The following TMEFF2 variants were observed in gnomAD, a reference collection of about 807,000 sequenced individuals.
TMEFF2 encodes tomoregulin-2.
TMEFF2 carries 28 observed loss-of-function variants against 53.8 expected under a neutral mutation model. The observed-to-expected ratio is 0.52, with a 90% CI of 0.39 to 0.71. The LOEUF (loss-of-function observed/expected upper bound fraction) is 0.71, where lower values mean the gene tolerates loss of function less well. Among genes scored for constraint, TMEFF2 ranks in the 30% least tolerant of loss-of-function variants. The pLI is 0.00. For synonymous variants in TMEFF2, 162 were observed against 166.3 expected (o/e 0.97, Z 0.20); for missense variants, 353 against 455.2 (o/e 0.78, Z 2.04).
At chr2:191,998,369 A>G in intron 6 of TMEFF2, 48 bp from the exon 7 acceptor site, 8 of 1,317,480 alleles carry the variant, frequency 6.1e-6, no homozygotes, top group Non-Finnish European at 7.5e-6. Flanking sequence ...CTTCCTAAAT[A>G]TCTAATATCA....
chr2:192,070,593 T>C (rs1688272470), intron 4 of TMEFF2, among the ~76,000 whole-genome samples: 2 of 151,948 alleles, frequency 1.3e-5, no homozygotes, highest in African/African-American at 4.8e-5. Context: ...TCTAGCCTCT[T>C]GGCATGTTTC....
intron 5 of TMEFF2, among the ~76,000 whole-genome samples, chr2:192,043,361 G>A (rs1272184352): frequency 6.6e-6 from 1 of 152,160 alleles, no homozygotes; most frequent in Non-Finnish European, 1.5e-5. Flanking sequence ...AGGTCCCCTT[G>A]AGAAAGGGCC....
rs990583858 is a variant in TMEFF2, at chr2:191,949,905, A to G, written c.*406T>C. On this transcript the variant is annotated 3_prime_UTR_variant, in exon 10 of 10. Transcript: ENST00000272771. ...AACCTAGCCACTGAGTCCTGTACGA[A>G]CTAATGTGCTGTCTCAAGATGAGAA... The G allele has an allele frequency of 1.0e-6, 1 of 995,232 alleles. No individual in the cohort carries two copies. The highest frequency in any genetic ancestry group is 1.7e-5 in the African/African-American group (1 of 57,324). The allele number at this position is 995,232 out of a possible 1,614,324, so 61.7% of individuals were successfully genotyped here.
In TMEFF2 at chr2:192,045,265, T is replaced by A. The variant is rs112318489; in HGVS notation, c.536+12414A>T. On this transcript the variant is annotated intron_variant, in intron 5 of 9. Coordinates refer to ENST00000272771, the MANE Select transcript of TMEFF2 (RefSeq NM_016192.4). Reference sequence around the variant, plus strand: ...TTCCAGTAGGCAGAACTTCAAGCAGTGCACCTGATTGTTCACTTTGCTTGG... The same window carrying A: ...TTCCAGTAGGCAGAACTTCAAGCAGAGCACCTGATTGTTCACTTTGCTTGG... Among the ~76,000 whole-genome samples the A allele has an allele frequency of 3.3e-3, 507 of 152,314 alleles. 3 individuals carry two copies. The highest frequency in any genetic ancestry group is 0.012 in the African/African-American group (484 of 41,568).
chr2:192,010,693 A>G (rs1164867844), intron 5 of TMEFF2, among the ~76,000 whole-genome samples: 4 of 152,224 alleles, frequency 2.6e-5, no homozygotes, highest in African/African-American at 9.6e-5. Context: ...ATCACAACAG[A>G]AGGAGGAAAA....
rs565147969 is a variant in TMEFF2, at chr2:192,141,199, T to A, written c.439+38469A>T. On this transcript the variant is annotated intron_variant, in intron 4 of 9. Transcript: ENST00000272771. ...CAGGCGCGGTGGCTCACGGCTATAA[T>A]CCTAGCACTCTGGGAGGCTGAGGCA... is the stretch of plus-strand genomic sequence containing the variant. Among the ~76,000 whole-genome samples the A allele has an allele frequency of 3.9e-5, 6 of 152,142 alleles. No homozygotes were observed. The South Asian group carries it at 1.2e-3, about 32-fold the overall frequency.
chr2:192,169,958 C>G (rs2106022298), intron 4 of TMEFF2, among the ~76,000 whole-genome samples: 1 of 130,718 alleles, frequency 7.7e-6, no homozygotes, highest in African/African-American at 3.0e-5. Context: ...TTAATATCAC[C>G]CCACTATTTA....
chr2:192,024,586 T>C (rs529600153), intron 5 of TMEFF2, among the ~76,000 whole-genome samples: 1 of 152,314 alleles, frequency 6.6e-6, no homozygotes, highest in East Asian at 1.9e-4. Context: ...CATTTTCTAA[T>C]AATGGAGACA....
chr2:192,164,574 A>G (rs1018122813), intron 4 of TMEFF2, among the ~76,000 whole-genome samples: 1 of 152,042 alleles, frequency 6.6e-6, no homozygotes, highest in African/African-American at 2.4e-5. Flanking sequence ...CTAAAAATAC[A>G]AAAATTAGCT....
chr2:192,028,533 T>C (rs1297658672), intron 5 of TMEFF2: 1 of 152,024 alleles, frequency 6.6e-6, no homozygotes, highest in African/African-American at 2.4e-5. Flanking sequence ...GGAAGTTGAC[T>C]TCCCTGGATT....
chr2:192,179,074 A>C (rs1040789922), intron 4 of TMEFF2: 11 of 151,208 alleles, frequency 7.3e-5, no homozygotes, highest in African/African-American at 2.4e-4. Flanking sequence ...TTCCCTAAAC[A>C]AAACTAAATA....
chr2:192,057,819 A>C, intron 4 of TMEFF2, 44 bp from the exon 5 acceptor site: 1 of 1,461,292 alleles, frequency 6.8e-7, no homozygotes, highest in Non-Finnish European at 9.6e-7. Context: ...GTAATTGTGC[A>C]TTATATCTAC....
chr2:191,982,877 G>T (rs1285461896), intron 7 of TMEFF2, among the ~76,000 whole-genome samples: 1 of 152,080 alleles, frequency 6.6e-6, no homozygotes, highest in African/African-American at 2.4e-5. Context: ...AATTTCCCAA[G>T]ATAGAAATAT....
intron 4 of TMEFF2, among the ~76,000 whole-genome samples, chr2:192,098,317 AT>A (rs1181634025): frequency 6.6e-6 from 1 of 152,226 alleles, no homozygotes; most frequent in Non-Finnish European, 1.5e-5. Context: ...TGTGTTTAAT[AT>A]TTGAACATGT....
At chr2:192,130,701 CT>C (rs569743337) in intron 4 of TMEFF2, among the ~76,000 whole-genome samples, 18 of 152,184 alleles carry the variant, frequency 1.2e-4, no homozygotes, top group African/African-American at 4.1e-4. Flanking sequence ...GGCCCCACCC[CT>C]ATCTCCCTTC....
intron 5 of TMEFF2, 72 bp downstream of exon 5, chr2:192,057,607 A>G (rs1687942627): frequency 8.1e-7 from 1 of 1,242,008 alleles, no homozygotes; most frequent in Non-Finnish European, 1.2e-6. Flanking sequence ...CTGTTGCAGA[A>G]TGGTTGATGG....
At chr2:191,979,978 T>A (rs1201844272) in intron 7 of TMEFF2, among the ~76,000 whole-genome samples, 1 of 152,172 alleles carries the variant, frequency 6.6e-6, no homozygotes, top group African/African-American at 2.4e-5. Flanking sequence ...TAATTTGGTA[T>A]GGAGCTTCCT....
chr2:192,085,786 A>T (rs924058508), intron 4 of TMEFF2, among the ~76,000 whole-genome samples: 1 of 152,148 alleles, frequency 6.6e-6, no homozygotes, highest in Non-Finnish European at 1.5e-5. Flanking sequence ...TAGCATACAA[A>T]TGTACAAATC....
At chr2:192,167,091 C>T (rs1389786004) in intron 4 of TMEFF2, among the ~76,000 whole-genome samples, 5 of 152,014 alleles carry the variant, frequency 3.3e-5, no homozygotes, top group Non-Finnish European at 7.4e-5. Flanking sequence ...CATTCAAGTC[C>T]CACAGAACAC....
Sources: gnomAD v4.1 joint callset for allele counts (sites outside exome capture counted in the v4.1 genomes callset) on GRCh38, gnomAD v4.1.1 for gene constraint, MANE v1.5 for transcripts, NCBI Gene and HGNC (gene_info 2026-07-23, HGNC 2026-07-21) for gene names.